ZNF786: variants seen among roughly 807,000 people sequenced by gnomAD.
The protein encoded by ZNF786 is zinc finger protein 786.
In ZNF786, 56 loss-of-function variants were observed where a neutral mutation model predicts 63.1. That is an observed-to-expected ratio of 0.89 (90% CI 0.72 to 1.11). The LOEUF (loss-of-function observed/expected upper bound fraction) is 1.11, where lower values mean the gene tolerates loss of function less well. ZNF786 is among the 50% of genes least tolerant of loss of function. The pLI, the probability that ZNF786 is intolerant of heterozygous loss-of-function variation, is 0.00. For synonymous variants in ZNF786, 485 were observed against 406.9 expected (o/e 1.19, Z -2.31); for missense variants, 1,213 against 1,041.8 (o/e 1.16, Z -2.26).
intron 1 of ZNF786, among the ~76,000 whole-genome samples, chr7:149,087,458 C>T (rs903515906): frequency 4.6e-5 from 7 of 152,106 alleles, no homozygotes; most frequent in Admixed American, 3.3e-4. Context: ...GCATCTAGTG[C>T]GTAGCAGCCA....
rs200199980 is a variant in ZNF786, at chr7:149,072,307, G to A, written c.465C>T (p.Gly155=). Reference sequence around the variant, plus strand: ...CTTCTTTTAGGGTAGATTCACTGGGGCCGCAGGCTAGTGGTGGAGGAGCCC... The same window carrying A: ...CTTCTTTTAGGGTAGATTCACTGGGACCGCAGGCTAGTGGTGGAGGAGCCC... ...DARAPPPLAC[G]PSESTLKEGI... is the part of the protein sequence containing the mutation. Residue 155 remains glycine, a synonymous_variant, in exon 4 of 4, where the codon GGC becomes GGT. Transcript: ENST00000491431. The A allele has an allele frequency of 3.7e-6, 6 of 1,613,816 alleles. No individual in the cohort carries two copies. In the Middle Eastern group the frequency reaches 8.2e-4, roughly 222 times the overall value.
At chr7:149,073,518 T>G (rs2129514228) in intron 3 of ZNF786, among the ~76,000 whole-genome samples, 1 of 151,998 alleles carries the variant, frequency 6.6e-6, no homozygotes, top group South Asian at 2.1e-4. Flanking sequence ...TGAGCTATGA[T>G]CATGCTACTG....
chr7:149,087,306 CAATAT>C (rs547786915), intron 1 of ZNF786, among the ~76,000 whole-genome samples: 90 of 152,234 alleles, frequency 5.9e-4, no homozygotes, highest in African/African-American at 2.1e-3. Flanking sequence ...TATTAGGAGA[CAATAT>C]ATTACAAAAT....
intron 1 of ZNF786, among the ~76,000 whole-genome samples, chr7:149,083,408 G>C (rs1008930037): frequency 6.6e-6 from 1 of 151,958 alleles, no homozygotes; most frequent in Admixed American, 6.6e-5. Flanking sequence ...GTAGAGACAG[G>C]GTTTTGGCAC....
Position 149,072,407 on chromosome 7 carries a change from C to T in ZNF786, c.365G>A (p.Cys122Tyr), listed in dbSNP as rs767266165. 1 of 1,612,180 alleles carries T rather than the reference C, an allele frequency of 6.2e-7. No individual in the cohort carries two copies. Among genetic ancestry groups the T allele is most frequent in the Non-Finnish European group, 8.5e-7 (1 of 1,179,206 alleles). The change falls in exon 4 of 4, where the codon TGT becomes TAT. Residue 122 changes from cysteine to tyrosine, a missense_variant. Cys to Tyr is a radical substitution (Grantham distance 194, BLOSUM62 -2). Coordinates refer to ENST00000491431, the MANE Select transcript of ZNF786 (RefSeq NM_152411.4). ...SHFQLDPESQ[C>Y]SFGSFVSFRP... ...GAAGGAAACAAAGGATCCAAAGGAA[C>T]ACTGGCTTTCAGGATCTAATTGGAA...
At chr7:149,079,406 C>CT (rs1825616052) in intron 2 of ZNF786, among the ~76,000 whole-genome samples, 1 of 148,890 alleles carries the variant, frequency 6.7e-6, no homozygotes, top group African/African-American at 2.5e-5. Context: ...CAGACTCCGT[C>CT]TCAAAAAAAA....
At position 149,072,089 on chromosome 7, in the gene ZNF786, T is replaced by A. The variant is rs1362551369; in HGVS notation, c.683A>T (p.Gln228Leu). 1.2e-6 allele frequency: 2 copies of A among 1,613,096 alleles called. No individual in the cohort carries two copies. The highest frequency in any genetic ancestry group is 1.7e-5 in the Admixed American group (1 of 59,862). Reference protein sequence around the residue: ...WEKFNKRAETQMPWSSPRVQR... With the variant: ...WEKFNKRAETLMPWSSPRVQR... Reference sequence around the variant, plus strand: ...TACCCGAGGGCTGCTCCACGGCATCTGCGTCTCCGCCCTCTTGTTGAATTT... The same window carrying A: ...TACCCGAGGGCTGCTCCACGGCATCAGCGTCTCCGCCCTCTTGTTGAATTT... Residue 228 changes from glutamine to leucine, a missense_variant, in exon 4 of 4, where the codon CAG becomes CTG. By Grantham distance (113) the Gln-to-Leu change is moderately radical. Coordinates refer to ENST00000491431, the MANE Select transcript of ZNF786 (RefSeq NM_152411.4).
At chr7:149,073,745 G>GTGTA (rs1431729201) in intron 3 of ZNF786, among the ~76,000 whole-genome samples, 7 of 67,740 alleles carry the variant, frequency 1.0e-4, no homozygotes, top group African/African-American at 4.3e-4. Flanking sequence ...GTGTGTGTGT[G>GTGTA]TGTATATATA....
At chr7:149,072,719 G>T (rs1443367870) in intron 3 of ZNF786, among the ~76,000 whole-genome samples, 1 of 152,172 alleles carries the variant, frequency 6.6e-6, no homozygotes, top group Non-Finnish European at 1.5e-5. Context: ...AATATAGAGT[G>T]TAAGCTCTGG....
At chr7:149,084,560 GCATTT>G (rs1372634476) in intron 1 of ZNF786, among the ~76,000 whole-genome samples, 2 of 152,130 alleles carry the variant, frequency 1.3e-5, no homozygotes, top group Non-Finnish European at 2.9e-5. Flanking sequence ...GTGATGCTGA[GCATTT>G]CTTCATAAGC....
intron 1 of ZNF786, among the ~76,000 whole-genome samples, chr7:149,085,386 T>C (rs1825718602): frequency 6.6e-6 from 1 of 152,194 alleles, no homozygotes; most frequent in South Asian, 2.1e-4. Context: ...CTGGGCCACA[T>C]AGCTAAACCC....
Position 149,071,102 on chromosome 7 carries a change from T to G in ZNF786, c.1670A>C (p.His557Pro), listed in dbSNP as rs749454491. 5.6e-6 allele frequency: 9 copies of G among 1,604,674 alleles called. No homozygotes were observed. In the Admixed American group the frequency reaches 1.5e-4, roughly 27 times the overall value. Residue 557 changes from histidine (H) to proline (P), a missense_variant, in exon 4 of 4, where the codon CAC (histidine) becomes CCC (proline). Physicochemically the swap from His to Pro is moderately conservative, Grantham distance 77. Transcript: ENST00000491431. ...GAACGGCCTCTCCTTGCTGTGCGTG[T>G]GCTGGTGGGCCTTCAGGATGCCCTT... ...RLKGILKAHQ[H>P]THSKERPFSC...
chr7:149,073,747 G>GTGTGTGTGTATATA (rs1447329296), intron 3 of ZNF786, among the ~76,000 whole-genome samples: 1 of 77,602 alleles, frequency 1.3e-5, no homozygotes, highest in South Asian at 5.7e-4. Context: ...GTGTGTGTGT[G>GTGTGTGTGTATATA]TATATATATA....
rs758374454 is a variant in ZNF786 at position 149,071,850 on chromosome 7, C to A, written c.922G>T (p.Val308Leu). 8.0e-5 allele frequency: 128 copies of A among 1,597,710 alleles called. No individual in the cohort carries two copies. Among genetic ancestry groups the A allele is most frequent in the Non-Finnish European group, 1.0e-4 (119 of 1,176,240 alleles). The change falls in exon 4 of 4, where the codon GTG becomes TTG. Residue 308 changes from valine to leucine, a missense_variant. Transcript: ENST00000491431. ...CACCGGCGAGCCTGCGTGCTGTCCA[C>A]TGGGAGGGAGCGCTTGCCGCATGGG... ...CTPCGKRSLP[V>L]DSTQARRCQH... is the part of the protein sequence containing the mutation.
intron 2 of ZNF786, among the ~76,000 whole-genome samples, chr7:149,076,778 C>T (rs974532891): frequency 6.7e-6 from 1 of 148,374 alleles, no homozygotes; most frequent in South Asian, 2.1e-4. Context: ...ACTTGCTCTT[C>T]TCTCCTCAAA....
At chr7:149,087,155 T>C (rs1392248724) in intron 1 of ZNF786, among the ~76,000 whole-genome samples, 7 of 152,180 alleles carry the variant, frequency 4.6e-5, no homozygotes, top group Non-Finnish European at 2.9e-5. Context: ...AAATCCAATT[T>C]TGACATGAGA....
chr7:149,081,387 G>A (rs1825649344), intron 1 of ZNF786, among the ~76,000 whole-genome samples: 1 of 133,428 alleles, frequency 7.5e-6, no homozygotes, highest in Non-Finnish European at 1.5e-5. Flanking sequence ...AGTGAGCGGA[G>A]ATCGCGCCAC....
rs558968901 is a variant in ZNF786 at position 149,071,602 on chromosome 7, C to T, written c.1170G>A (p.Ala390=). Residue 390 remains alanine (A), a synonymous_variant, in exon 4 of 4, where the codon GCG becomes GCA. Transcript: ENST00000491431. Reference sequence around the variant, plus strand: ...ACTGGAAGGGCTTTTCTCCAGTATGCGCCCTGCAGGGGCTGGCGAGCCTGG... The same window carrying T: ...ACTGGAAGGGCTTTTCTCCAGTATGTGCCCTGCAGGGGCTGGCGAGCCTGG... ...MSARLASPCR[A]HTGEKPFQCA... 5 of 1,601,396 alleles carry T rather than the reference C, an allele frequency of 3.1e-6. No individual in the cohort carries two copies. The East Asian group carries it at 6.8e-5, about 22-fold the overall frequency.
chr7:149,071,711 T>G lies in ZNF786; in HGVS notation c.1061A>C (p.Gln354Pro), dbSNP rs1256767385. Residue 354 changes from glutamine to proline, a missense_variant, in exon 4 of 4, where the codon CAG becomes CCG. Coordinates refer to ENST00000491431, the MANE Select transcript of ZNF786 (RefSeq NM_152411.4). ...CTGCAGCGCCTCCGTGTCCCCTTCC[T>G]GGTGGCTGTTCCCCTCCTGGGGCAG... ...SRLPQEGNSH[Q>P]EGDTEALQHG... 2 of 1,580,492 alleles carry G rather than the reference T, an allele frequency of 1.3e-6. No individual in the cohort carries two copies. Among genetic ancestry groups the G allele is most frequent in the Non-Finnish European group, 1.7e-6 (2 of 1,171,192 alleles).
Sources: gnomAD v4.1 joint callset for allele counts (sites outside exome capture counted in the v4.1 genomes callset) on GRCh38, gnomAD v4.1.1 for gene constraint, MANE v1.5 for transcripts, NCBI Gene and HGNC (gene_info 2026-07-23, HGNC 2026-07-21) for gene names.